The following ZNF385D variants were observed in gnomAD, a reference collection of about 807,000 sequenced individuals.
ZNF385D encodes zinc finger protein 659.
Under a neutral mutation model 35.8 loss-of-function variants are expected in ZNF385D, and 15 were observed. The ratio of observed to expected loss-of-function variants is 0.42; its 90% CI spans 0.28 to 0.64. The LOEUF is 0.64. Among genes scored for constraint, ZNF385D ranks in the 30% least tolerant of loss-of-function variants. The probability of loss-of-function intolerance (pLI) is 0.23; values close to 1 mark genes in which losing one functional copy is unlikely to be tolerated. For missense variants in ZNF385D, 474 were observed against 494.6 expected, an observed-to-expected ratio of 0.96 and a Z score of 0.39; for synonymous variants, 212 against 186.8, an observed-to-expected ratio of 1.13 and a Z score of -1.10.
At chr3:21,563,156 G>C (rs1404214329) in intron 3 of ZNF385D, 1 of 152,150 alleles carries the variant, frequency 6.6e-6, no homozygotes, top group African/African-American at 2.4e-5. Context: ...TTGTGAATGA[G>C]ATTGGTGCCC....
At chr3:21,933,214 G>A (rs1701099359) in intron 3 of ZNF385D, among the ~76,000 whole-genome samples, 1 of 152,118 alleles carries the variant, frequency 6.6e-6, no homozygotes, top group Non-Finnish European at 1.5e-5. Context: ...AATATTTTAT[G>A]TTGCTTTTTC....
chr3:21,891,213 A>C (rs2125882512), intron 3 of ZNF385D, among the ~76,000 whole-genome samples: 1 of 152,238 alleles, frequency 6.6e-6, no homozygotes, highest in African/African-American at 2.4e-5. Context: ...ATATTTCGTT[A>C]TTGTTATTAT....
intron 2 of ZNF385D, among the ~76,000 whole-genome samples, chr3:22,268,586 T>C (rs145434079): frequency 6.6e-6 from 1 of 152,168 alleles, no homozygotes; most frequent in Non-Finnish European, 1.5e-5. Context: ...CATGGCTCTG[T>C]TCTAGTAAAA....
intron 3 of ZNF385D, among the ~76,000 whole-genome samples, chr3:22,112,746 A>G (rs1424540087): frequency 6.6e-6 from 1 of 152,130 alleles, no homozygotes; most frequent in Non-Finnish European, 1.5e-5. Context: ...TTCTCAGGAA[A>G]GGCTAAAATC....
intron 3 of ZNF385D, among the ~76,000 whole-genome samples, chr3:21,964,913 C>A (rs566340992): frequency 6.6e-5 from 10 of 152,196 alleles, no homozygotes; most frequent in African/African-American, 2.4e-4. Flanking sequence ...TCCTCAGAAG[C>A]TACTGAACAT....
At chr3:21,573,591 G>A (rs938149787) in intron 2 of ZNF385D, among the ~76,000 whole-genome samples, 2 of 152,208 alleles carry the variant, frequency 1.3e-5, no homozygotes, top group African/African-American at 2.4e-5. Flanking sequence ...AAAAGCTACA[G>A]GATGGAAAAC....
chr3:21,636,377 A>AC (rs2065437067), intron 2 of ZNF385D, among the ~76,000 whole-genome samples: 1 of 50,742 alleles, frequency 2.0e-5, no homozygotes, highest in African/African-American at 8.3e-5. Context: ...TATATATATG[A>AC]TTATATATAT....
chr3:22,151,662 C>T (rs984524640), intron 3 of ZNF385D, among the ~76,000 whole-genome samples: 3 of 152,008 alleles, frequency 2.0e-5, no homozygotes, highest in South Asian at 2.1e-4. Flanking sequence ...GGGGCCCACC[C>T]GAATTATGAG....
intron 4 of ZNF385D, among the ~76,000 whole-genome samples, chr3:21,490,422 C>T (rs1440905196): frequency 6.6e-6 from 1 of 152,150 alleles, no homozygotes; most frequent in East Asian, 1.9e-4. Flanking sequence ...CTCACGTGCT[C>T]TTCTTACAAT....
chr3:21,593,175 C>T (rs1277048825), intron 2 of ZNF385D, among the ~76,000 whole-genome samples: 1 of 152,100 alleles, frequency 6.6e-6, no homozygotes, highest in South Asian at 2.1e-4. Flanking sequence ...TCTCTCAACT[C>T]AACTCACTTA....
intron 1 of ZNF385D, among the ~76,000 whole-genome samples, chr3:21,727,865 A>T (rs1334470432): frequency 3.3e-5 from 5 of 152,138 alleles, no homozygotes; most frequent in Non-Finnish European, 7.4e-5. Flanking sequence ...ACAAGCACAC[A>T]TATGTTTACT....
Position 22,334,293 on chromosome 3 carries a change from C to A in ZNF385D, c.106+38157G>T, listed in dbSNP as rs1329343343. On this transcript the variant is annotated intron_variant, in intron 2 of 5. Coordinates refer to the ZNF385D transcript ENST00000494108. ...TTTCACTTTTATTAGCTTTACAGTT[C>A]TATGTTCTTTAATTATGTATTTAGT... Among the ~76,000 whole-genome samples the A allele has an allele frequency of 2.6e-5, 4 of 151,878 alleles. 1 individual carries two copies. The highest frequency in any genetic ancestry group is 9.7e-5 in the African/African-American group (4 of 41,342).
chr3:22,364,407 C>T (rs542212091), intron 2 of ZNF385D, among the ~76,000 whole-genome samples: 2 of 151,988 alleles, frequency 1.3e-5, no homozygotes, highest in East Asian at 3.9e-4. Context: ...TAAAATGCAA[C>T]AACAAAGCAA....
chr3:22,296,716 C>CA (rs1702602881), intron 2 of ZNF385D, among the ~76,000 whole-genome samples: 1 of 152,084 alleles, frequency 6.6e-6, no homozygotes, highest in African/African-American at 2.4e-5. Context: ...CATACCTCTG[C>CA]AGCTGACATA....
intron 2 of ZNF385D, among the ~76,000 whole-genome samples, chr3:22,341,953 T>C (rs6772631): frequency 0.086 from 13,060 of 152,168 alleles, 979 homozygotes; most frequent in African/African-American, 0.2. Flanking sequence ...AAGTACATAG[T>C]TAACACTGAA....
At chr3:22,240,091 G>A (rs2125312323) in intron 2 of ZNF385D, among the ~76,000 whole-genome samples, 1 of 147,988 alleles carries the variant, frequency 6.8e-6, no homozygotes, top group East Asian at 2.0e-4. Context: ...GCTGACGTGG[G>A]AGGATCACCT....
intron 3 of ZNF385D, among the ~76,000 whole-genome samples, chr3:21,958,264 T>C (rs978218989): frequency 6.6e-6 from 1 of 152,118 alleles, no homozygotes; most frequent in African/African-American, 2.4e-5. Context: ...GACCTATATT[T>C]TGGAGTTAGG....
At chr3:22,268,414 T>C (rs1173543834) in intron 2 of ZNF385D, among the ~76,000 whole-genome samples, 1 of 152,044 alleles carries the variant, frequency 6.6e-6, no homozygotes, top group African/African-American at 2.4e-5. Flanking sequence ...TTATACATGT[T>C]ATTAATTTTT....
chr3:21,710,940 C>CCTT lies in ZNF385D; in HGVS notation c.22+39954_22+39955insAAG, dbSNP rs2068076130. On this transcript the variant is annotated intron_variant, in intron 1 of 7. Coordinates refer to ENST00000281523, the MANE Select transcript of ZNF385D (RefSeq NM_024697.3). ...AAGTCACTTTTCTAATCTAAATGCT[C>CCTT]TCTGATTTTCCCCATTCCTTCCTCT... Among the ~76,000 whole-genome samples, 5 of 151,500 alleles carry CCTT rather than the reference C, an allele frequency of 3.3e-5. No homozygotes were observed. In the South Asian group the frequency reaches 1.0e-3, roughly 32 times the overall value.
Sources: gnomAD v4.1 joint callset for allele counts (sites outside exome capture counted in the v4.1 genomes callset) on GRCh38, gnomAD v4.1.1 for gene constraint, MANE v1.5 for transcripts, NCBI Gene and HGNC (gene_info 2026-07-23, HGNC 2026-07-21) for gene names.